The following BANK1 variants were observed in gnomAD, a reference collection of about 807,000 sequenced individuals.
BANK1 encodes B cell scaffold protein with ankyrin repeats 1, also known as B-cell scaffold protein with ankyrin repeats.
Under a neutral mutation model 94.5 loss-of-function variants are expected in BANK1, and 95 were observed. The observed-to-expected ratio is 1.00, with a 90% CI of 0.85 to 1.19. BANK1 has a LOEUF of 1.19. Among genes scored for constraint, BANK1 ranks in the 50% most tolerant of loss-of-function variants. The pLI, the probability that BANK1 is intolerant of heterozygous loss-of-function variation, is 0.00. For synonymous variants in BANK1, 334 were observed against 308.4 expected, an observed-to-expected ratio of 1.08 and a Z score of -0.87; for missense variants, 987 against 932.2, an observed-to-expected ratio of 1.06 and a Z score of -0.77.
chr4:102,073,146 T>C (rs1728811860), intron 15 of BANK1, among the ~76,000 whole-genome samples: 1 of 151,872 alleles, frequency 6.6e-6, no homozygotes, highest in African/African-American at 2.4e-5. Context: ...TAAGTAATCA[T>C]AAAAATCATT....
In BANK1 at chr4:102,074,421, T is replaced by C. The variant is rs575519703; in HGVS notation, c.*422T>C. On this transcript the variant is annotated 3_prime_UTR_variant, in exon 17 of 17. Coordinates refer to ENST00000322953, the MANE Select transcript of BANK1 (RefSeq NM_017935.5). ...TGAAAATACAAATTTACTTAGCACATTTTTGCTTTTTAAGTAGCTGGTTCA... is the reference window on the plus strand; with the variant it reads ...TGAAAATACAAATTTACTTAGCACACTTTTGCTTTTTAAGTAGCTGGTTCA... The C allele has an allele frequency of 1.3e-5, 2 of 152,150 alleles. No homozygotes were observed. Among genetic ancestry groups the C allele is most frequent in the East Asian group, 3.9e-4 (2 of 5,184 alleles). The allele number at this position is 152,150 out of a possible 1,614,324, so 9.4% of individuals were successfully genotyped here.
intron 7 of BANK1, among the ~76,000 whole-genome samples, chr4:101,955,681 T>C (rs1402664051): frequency 6.6e-6 from 1 of 152,196 alleles, no homozygotes; most frequent in African/African-American, 2.4e-5. Flanking sequence ...AAATTATTGA[T>C]ATAAGATCAT....
chr4:101,884,308 T>G (rs1355941407), intron 5 of BANK1, among the ~76,000 whole-genome samples: 9 of 152,316 alleles, frequency 5.9e-5, no homozygotes, highest in Non-Finnish European at 1.2e-4. Context: ...AACTTGAGTT[T>G]TCAGCAGCAA....
intron 10 of BANK1, among the ~76,000 whole-genome samples, chr4:102,032,018 TTA>T (rs1327130117): frequency 1.3e-5 from 2 of 152,196 alleles, no homozygotes; most frequent in Non-Finnish European, 2.9e-5. Flanking sequence ...GTTGTCTAGA[TTA>T]TAGATTATAA....
intron 1 of BANK1, among the ~76,000 whole-genome samples, chr4:101,803,911 T>C (rs868475952): frequency 1.4e-4 from 18 of 129,294 alleles, no homozygotes; most frequent in Admixed American, 1.2e-3. Flanking sequence ...GGCAGGAGAA[T>C]GGCGTGAACC....
chr4:102,027,708 A>G (rs1037331085), intron 9 of BANK1, among the ~76,000 whole-genome samples: 1 of 151,292 alleles, frequency 6.6e-6, no homozygotes, highest in Non-Finnish European at 1.5e-5. Context: ...TGCTGTAGGC[A>G]TCAAATTCCT....
At chr4:101,800,033 A>C (rs1442965194) in intron 1 of BANK1, among the ~76,000 whole-genome samples, 1 of 151,444 alleles carries the variant, frequency 6.6e-6, no homozygotes, top group Non-Finnish European at 1.5e-5. Flanking sequence ...TCACAAGGAC[A>C]GAAAACTAAA....
At chr4:101,914,052 A>C (rs1016237568) in intron 6 of BANK1, among the ~76,000 whole-genome samples, 1 of 152,222 alleles carries the variant, frequency 6.6e-6, no homozygotes, top group Non-Finnish European at 1.5e-5. Flanking sequence ...CTTTCAAAGA[A>C]ATTATCTGAG....
chr4:101,852,501 T>C (rs1250777915), intron 2 of BANK1, among the ~76,000 whole-genome samples: 2 of 119,568 alleles, frequency 1.7e-5, no homozygotes, highest in African/African-American at 6.9e-5. Context: ...TATATATATA[T>C]ATACACACAC....
At chr4:102,046,129 A>C (rs1182102032) in intron 11 of BANK1, among the ~76,000 whole-genome samples, 1 of 151,612 alleles carries the variant, frequency 6.6e-6, no homozygotes, top group Admixed American at 6.6e-5. Flanking sequence ...AGCCCTCAGA[A>C]ATAACGCCGC....
chr4:101,844,800 T>C (rs1485143899), intron 2 of BANK1, among the ~76,000 whole-genome samples: 2 of 152,214 alleles, frequency 1.3e-5, no homozygotes, highest in African/African-American at 4.8e-5. Context: ...ACTCAGTACT[T>C]ACTAGCTTAC....
At chr4:102,005,552 G>T (rs1417315874) in intron 7 of BANK1, among the ~76,000 whole-genome samples, 1 of 152,066 alleles carries the variant, frequency 6.6e-6, no homozygotes, top group Non-Finnish European at 1.5e-5. Flanking sequence ...AGGATGGAAA[G>T]AACTGGTTAG....
At chr4:101,871,219 A>G (rs1307954205) in intron 5 of BANK1, among the ~76,000 whole-genome samples, 1 of 152,134 alleles carries the variant, frequency 6.6e-6, no homozygotes, top group Non-Finnish European at 1.5e-5. Context: ...TTATTCCATC[A>G]AATTTTCAGA....
chr4:101,792,726 G>A (rs551871577), intron 1 of BANK1, among the ~76,000 whole-genome samples: 55 of 152,158 alleles, frequency 3.6e-4, no homozygotes, highest in African/African-American at 1.3e-3. Flanking sequence ...TGCCCAGGAA[G>A]GTATATTTCT....
intron 10 of BANK1, among the ~76,000 whole-genome samples, chr4:102,040,762 C>A (rs943000527): frequency 6.6e-6 from 1 of 151,926 alleles, no homozygotes; most frequent in Non-Finnish European, 1.5e-5. Flanking sequence ...GAATTTTTCC[C>A]AGCACCGTTG....
rs539204218 is a variant in BANK1 at position 101,995,383 on chromosome 4, A to G, written c.1207-26131A>G. On this transcript the variant is annotated intron_variant, in intron 7 of 16. Transcript: ENST00000322953. ...TGGTTGGTTACAAATCTTTGCTATT[A>G]TAAATAGTGCTGCAATAAACATGTA... Among the ~76,000 whole-genome samples, 134 of 152,242 alleles carry G rather than the reference A, an allele frequency of 8.8e-4. 1 individual carries two copies. Among genetic ancestry groups the G allele is most frequent in the African/African-American group, 3.1e-3 (127 of 41,552 alleles).
intron 6 of BANK1, among the ~76,000 whole-genome samples, chr4:101,906,371 C>T (rs1042188415): frequency 4.6e-5 from 7 of 152,090 alleles, no homozygotes; most frequent in Admixed American, 1.3e-4. Flanking sequence ...AGGGAACTGC[C>T]AAGCCTCTAA....
chr4:101,794,316 T>C (rs964701876), intron 1 of BANK1, among the ~76,000 whole-genome samples: 1 of 152,168 alleles, frequency 6.6e-6, no homozygotes, highest in Admixed American at 6.5e-5. Flanking sequence ...GAATCTATTT[T>C]ACCAAAATAT....
intron 3 of BANK1, among the ~76,000 whole-genome samples, chr4:101,855,689 A>G (rs1459656645): frequency 1.3e-5 from 2 of 152,186 alleles, no homozygotes; most frequent in African/African-American, 4.8e-5. Context: ...TTAAGGATCT[A>G]TTTTCCTAAA....
Sources: allele counts gnomAD v4.1 joint callset (sites outside exome capture counted in the v4.1 genomes callset), GRCh38; gene constraint gnomAD v4.1.1; transcripts MANE v1.5; gene names NCBI Gene and HGNC (gene_info 2026-07-23, HGNC 2026-07-21).